The following DERL1 variants were observed in gnomAD, a reference collection of about 807,000 sequenced individuals.
DERL1 encodes the protein derlin-1.
A neutral mutation model predicts 41.6 loss-of-function variants in DERL1; 24 were observed. The ratio of observed to expected loss-of-function variants is 0.58; its 90% CI spans 0.42 to 0.81. The LOEUF (loss-of-function observed/expected upper bound fraction) is 0.81. Ranked by LOEUF, DERL1 falls within the 30% of genes least tolerant of loss-of-function variation. The pLI is 0.00. For synonymous variants in DERL1, 124 were observed against 112.5 expected (o/e 1.10, Z -0.65); for missense variants, 260 against 314.3 (o/e 0.83, Z 1.31).
chr8:123,028,181 T>C (rs76221582), intron 2 of DERL1, among the ~76,000 whole-genome samples: 1,539 of 152,136 alleles, frequency 0.01, 24 homozygotes, highest in African/African-American at 0.036. Flanking sequence ...TATTTACAAA[T>C]GAAATGCCTG....
intron 2 of DERL1, 135 bp from the exon 3 acceptor site, chr8:123,025,185 G>C: frequency 1.1e-6 from 1 of 889,006 alleles, no homozygotes; most frequent in Non-Finnish European, 1.7e-6. Context: ...CTCTAAAAAA[G>C]TGAATTTTTA....
chr8:123,019,853 C>A (rs897463257), intron 6 of DERL1, among the ~76,000 whole-genome samples: 3 of 152,156 alleles, frequency 2.0e-5, no homozygotes, highest in African/African-American at 7.2e-5. Flanking sequence ...CGCTGACCTT[C>A]TTCAGTTTTC....
At chr8:123,020,643 G>C (rs987132891) in intron 6 of DERL1, among the ~76,000 whole-genome samples, 1 of 151,100 alleles carries the variant, frequency 6.6e-6, no homozygotes, top group African/African-American at 2.4e-5. Flanking sequence ...ATTTGACCCT[G>C]GTTGGCCAAA....
rs138380305 is a variant in DERL1 at position 123,025,330 on chromosome 8, T to C, written c.266-280A>G. 2.8e-3 allele frequency among the ~76,000 whole-genome samples: 432 copies of C among 152,238 alleles called. 1 individual carries two copies. The highest frequency in any genetic ancestry group is 0.01 in the African/African-American group (419 of 41,524). On this transcript the variant is annotated intron_variant, in intron 2 of 7. Coordinates refer to ENST00000259512, the MANE Select transcript of DERL1 (RefSeq NM_024295.6). ...CAGGCTAAAACAGACCCAGAGAAAG[T>C]ACAGTCAATTCCACAGCTTCTGAGC... is the stretch of plus-strand genomic sequence containing the variant.
At chr8:123,041,297 C>CGTTA (rs1322270583) in intron 1 of DERL1, among the ~76,000 whole-genome samples, 2 of 152,202 alleles carry the variant, frequency 1.3e-5, no homozygotes, top group Admixed American at 1.3e-4. Flanking sequence ...ATACAGATAA[C>CGTTA]CTTCAGAAAA....
intron 1 of DERL1, among the ~76,000 whole-genome samples, chr8:123,035,856 G>C (rs1812915063): frequency 6.8e-6 from 1 of 147,230 alleles, no homozygotes; most frequent in African/African-American, 2.5e-5. Flanking sequence ...AGAATCTAGT[G>C]TTTTTTTTTT....
intron 4 of DERL1, 116 bp downstream of exon 4, chr8:123,023,597 C>A: frequency 1.1e-6 from 1 of 929,420 alleles, no homozygotes; most frequent in South Asian, 2.0e-5. Flanking sequence ...TCCATAATTT[C>A]AAAATACCAC....
Position 123,030,721 on chromosome 8 carries a change from C to A in DERL1, c.154-5G>T. ...GGCAGTGATTGGCCTCCAAATCTGTCCAGATCAAAATAAACACAGCTGTTA... is the reference window on the plus strand; with the variant it reads ...GGCAGTGATTGGCCTCCAAATCTGTACAGATCAAAATAAACACAGCTGTTA... On this transcript the variant is annotated splice_region_variant and splice_polypyrimidine_tract_variant and intron_variant, in intron 1 of 7. Coordinates refer to ENST00000259512, the MANE Select transcript of DERL1 (RefSeq NM_024295.6). 1 of 1,589,420 alleles carries A rather than the reference C, an allele frequency of 6.3e-7. No homozygotes were observed. Among genetic ancestry groups the A allele is most frequent in the Non-Finnish European group, 8.6e-7 (1 of 1,159,964 alleles).
intron 2 of DERL1, 103 bp from the exon 3 acceptor site, chr8:123,025,153 G>A: frequency 8.2e-7 from 1 of 1,223,896 alleles, no homozygotes. Context: ...GCCAAAATGA[G>A]AACATTTTAA....
chr8:123,036,522 G>C (rs1312402053), intron 1 of DERL1, among the ~76,000 whole-genome samples: 1 of 152,166 alleles, frequency 6.6e-6, no homozygotes, highest in Non-Finnish European at 1.5e-5. Context: ...CTGAATGCTG[G>C]CTGTATACAT....
intron 1 of DERL1, among the ~76,000 whole-genome samples, chr8:123,033,470 G>C (rs545993833): frequency 5.4e-4 from 82 of 152,274 alleles, no homozygotes; most frequent in African/African-American, 1.9e-3. Flanking sequence ...TCGGCCGGGA[G>C]TAGTGGCTCA....
intron 1 of DERL1, among the ~76,000 whole-genome samples, chr8:123,035,400 A>G (rs1812905013): frequency 6.6e-6 from 1 of 152,068 alleles, no homozygotes; most frequent in Non-Finnish European, 1.5e-5. Context: ...ACTAAATCCC[A>G]TTTTTTCCTC....
intron 1 of DERL1, among the ~76,000 whole-genome samples, chr8:123,034,294 A>ATACACGTTTAAT (rs1348446375): frequency 2.6e-5 from 4 of 152,216 alleles, no homozygotes; most frequent in Non-Finnish European, 5.9e-5. Flanking sequence ...ACGTGTATTA[A>ATACACGTTTAAT]ACCAGAAAAA....
intron 2 of DERL1, among the ~76,000 whole-genome samples, chr8:123,026,699 A>G (rs762810282): frequency 5.3e-5 from 8 of 152,236 alleles, no homozygotes; most frequent in Non-Finnish European, 7.3e-5. Flanking sequence ...CTATGAAATA[A>G]GAGTGTTAAA....
intron 1 of DERL1, among the ~76,000 whole-genome samples, chr8:123,037,827 G>A (rs998249886): frequency 6.6e-6 from 1 of 152,124 alleles, no homozygotes; most frequent in Non-Finnish European, 1.5e-5. Flanking sequence ...GTTGTAACAG[G>A]GTGATGTTAT....
chr8:123,023,009 AAG>A (rs1400181883), intron 4 of DERL1, among the ~76,000 whole-genome samples: 1 of 152,232 alleles, frequency 6.6e-6, no homozygotes, highest in Non-Finnish European at 1.5e-5. Flanking sequence ...TCAGAAATGT[AAG>A]AGTCAAGCTC....
At chr8:123,037,985 T>C (rs1812964138) in intron 1 of DERL1, among the ~76,000 whole-genome samples, 2 of 152,176 alleles carry the variant, frequency 1.3e-5, no homozygotes, top group Admixed American at 1.3e-4. Flanking sequence ...AACTATTTGA[T>C]TGATGAACAT....
chr8:123,021,523 A>T, intron 5 of DERL1, 24 bp from the exon 6 acceptor site: 1 of 1,608,238 alleles, frequency 6.2e-7, no homozygotes, highest in Non-Finnish European at 8.5e-7. Context: ...AATATATGCA[A>T]ATGTGAGTAG....
chr8:123,030,579 G>C, intron 2 of DERL1, 26 bp downstream of exon 2: 1 of 1,481,434 alleles, frequency 6.8e-7, no homozygotes, highest in African/African-American at 1.4e-5. Context: ...AAGAAACAAT[G>C]CTTAAAACAA....
Sources: gnomAD v4.1 joint callset for allele counts (sites outside exome capture counted in the v4.1 genomes callset) on GRCh38, gnomAD v4.1.1 for gene constraint, MANE v1.5 for transcripts, NCBI Gene and HGNC (gene_info 2026-07-23, HGNC 2026-07-21) for gene names.